Variants in KYNU observed in about 807,000 individuals in gnomAD.
The protein encoded by KYNU is L-kynurenine hydrolase.
Under a neutral mutation model 59.2 loss-of-function variants are expected in KYNU, and 54 were observed. That is an observed-to-expected ratio of 0.91 (90% CI 0.73 to 1.14). The LOEUF (loss-of-function observed/expected upper bound fraction) is 1.14. KYNU is among the 50% of genes most tolerant of loss of function. The pLI is 0.00. For missense variants in KYNU, 567 were observed against 554.4 expected (o/e 1.02, Z -0.23); for synonymous variants, 177 against 192.0 (o/e 0.92, Z 0.65).
At chr2:142,970,736 T>G (rs1340585651) in intron 8 of KYNU, among the ~76,000 whole-genome samples, 1 of 152,214 alleles carries the variant, frequency 6.6e-6, no homozygotes, top group African/African-American at 2.4e-5. Flanking sequence ...CCTTTACTGA[T>G]TGTGGAATAG....
intron 12 of KYNU, among the ~76,000 whole-genome samples, chr2:143,036,678 T>G (rs913639451): frequency 5.9e-5 from 9 of 152,234 alleles, no homozygotes; most frequent in Admixed American, 5.2e-4. Flanking sequence ...GAAGTTACTA[T>G]TTATTCCTAA....
intron 4 of KYNU, among the ~76,000 whole-genome samples, chr2:142,934,423 G>A (rs1683320371): frequency 6.6e-6 from 1 of 152,104 alleles, no homozygotes; most frequent in Non-Finnish European, 1.5e-5. Flanking sequence ...TGGGTACTAT[G>A]GGGAACATGG....
chr2:142,881,211 A>G (rs547008891), intron 1 of KYNU: 2 of 152,390 alleles, frequency 1.3e-5, no homozygotes, highest in South Asian at 4.1e-4. Flanking sequence ...ACTTATGGTC[A>G]GATATTGAAA....
At chr2:143,035,879 C>G (rs1180230041) in intron 12 of KYNU, among the ~76,000 whole-genome samples, 1 of 152,076 alleles carries the variant, frequency 6.6e-6, no homozygotes, top group Non-Finnish European at 1.5e-5. Context: ...CTCAGTTGAT[C>G]TTCCCACCTC....
intron 8 of KYNU, 127 bp from the exon 9 acceptor site, chr2:142,984,957 C>G (rs1282462494): frequency 2.8e-6 from 2 of 708,944 alleles, no homozygotes; most frequent in East Asian, 5.5e-5. Flanking sequence ...CTTTGTGAAC[C>G]ATTGCATCAA....
intron 10 of KYNU, 114 bp from the exon 11 acceptor site, chr2:143,029,513 G>C (rs1573914331): frequency 1.4e-6 from 1 of 718,736 alleles, no homozygotes; most frequent in East Asian, 2.7e-5. Flanking sequence ...TTGAACCCAA[G>C]AGGCAGAGGT....
At chr2:142,881,673 C>G (rs557468712) in intron 1 of KYNU, among the ~76,000 whole-genome samples, 3 of 152,174 alleles carry the variant, frequency 2.0e-5, no homozygotes, top group African/African-American at 7.2e-5. Context: ...CTAAGTTATA[C>G]ACTCAAATAT....
intron 8 of KYNU, among the ~76,000 whole-genome samples, chr2:142,970,223 A>AT (rs1684678129): frequency 6.6e-6 from 1 of 152,190 alleles, no homozygotes; most frequent in Admixed American, 6.5e-5. Context: ...TGAAGAGAAA[A>AT]TATTTTCGCA....
At chr2:142,920,153 T>C (rs1462088047) in intron 3 of KYNU, among the ~76,000 whole-genome samples, 2 of 152,204 alleles carry the variant, frequency 1.3e-5, no homozygotes, top group African/African-American at 4.8e-5. Flanking sequence ...TTAATTTTAG[T>C]GATTAAGAAC....
chr2:143,055,186 C>G lies in KYNU; in HGVS notation c.*13014C>G, dbSNP rs1304506243. On this transcript the variant is annotated 3_prime_UTR_variant, in exon 14 of 14. Transcript: ENST00000264170. Reference sequence around the variant, plus strand: ...AAACATAGTGACTGAAAATAACCCACATTTATTATCTTACAGTTCCATAGG... The same window carrying G: ...AAACATAGTGACTGAAAATAACCCAGATTTATTATCTTACAGTTCCATAGG... The G allele has an allele frequency of 6.6e-6, 1 of 152,182 alleles. No individual in the cohort carries two copies. 9.4% of individuals were successfully genotyped at this position (152,182 alleles called of 1,614,324 possible). A position where few individuals can be genotyped will look rare whatever the true frequency, so the allele number is the denominator to read the frequency against.
rs1687215552 is a variant in KYNU, at chr2:143,048,977, A to G, written c.*6805A>G. The G allele has an allele frequency of 6.6e-6, 1 of 152,168 alleles. No individual in the cohort carries two copies. The highest frequency in any genetic ancestry group is 2.4e-5 in the African/African-American group (1 of 41,450). The allele number at this position is 152,168 out of a possible 1,614,324, so 9.4% of individuals were successfully genotyped here. A position where few individuals can be genotyped will look rare whatever the true frequency, so the allele number is the denominator to read the frequency against. On this transcript the variant is annotated 3_prime_UTR_variant, in exon 14 of 14. Coordinates refer to ENST00000264170, the MANE Select transcript of KYNU (RefSeq NM_003937.3). Reference sequence around the variant, plus strand: ...TCCGCATTTTTATTATGATGTGTCTAGGCAGTTATTATTGTGTTTATTCTA... The same window carrying G: ...TCCGCATTTTTATTATGATGTGTCTGGGCAGTTATTATTGTGTTTATTCTA...
chr2:142,914,167 C>A (rs974366979), intron 2 of KYNU, among the ~76,000 whole-genome samples: 1 of 152,188 alleles, frequency 6.6e-6, no homozygotes, highest in African/African-American at 2.4e-5. Flanking sequence ...TTCTCCCATG[C>A]CCAGGATTGC....
At chr2:142,933,692 G>C (rs564034746) in intron 4 of KYNU, among the ~76,000 whole-genome samples, 34 of 152,250 alleles carry the variant, frequency 2.2e-4, no homozygotes, top group African/African-American at 8.2e-4. Flanking sequence ...GATAGTGTGG[G>C]TGTTGCAGTG....
In KYNU at chr2:143,045,088, G is replaced by T. The variant is rs560597879; in HGVS notation, c.*2916G>T. 4 of 152,162 alleles carry T rather than the reference G, an allele frequency of 2.6e-5. No individual in the cohort carries two copies. Among genetic ancestry groups the T allele is most frequent in the South Asian group, 4.2e-4 (2 of 4,806 alleles). The allele number at this position is 152,162 out of a possible 1,614,324, so 9.4% of individuals were successfully genotyped here. A position where few individuals can be genotyped will look rare whatever the true frequency, so the allele number is the denominator to read the frequency against. On this transcript the variant is annotated 3_prime_UTR_variant, in exon 14 of 14. Transcript: ENST00000264170. ...TTCCCAACACTATTTATTAAATAGG[G>T]AATCTTTTCCCCATTGCTTGTTTTT...
intron 10 of KYNU, among the ~76,000 whole-genome samples, chr2:143,000,849 TA>T (rs1442018971): frequency 6.6e-6 from 1 of 152,154 alleles, no homozygotes; most frequent in Non-Finnish European, 1.5e-5. Context: ...GACTTTGATT[TA>T]GGTGAGTATG....
intron 4 of KYNU, among the ~76,000 whole-genome samples, chr2:142,937,126 T>C (rs1683417504): frequency 6.6e-6 from 1 of 151,948 alleles, no homozygotes; most frequent in Admixed American, 6.6e-5. Context: ...TCTTCAGGAG[T>C]ATGTGTCTTC....
chr2:143,048,802 C>T lies in KYNU; in HGVS notation c.*6630C>T, dbSNP rs1173606923. 6.6e-6 allele frequency: 1 copy of T among 152,112 alleles called. No individual in the cohort carries two copies. Among genetic ancestry groups the T allele is most frequent in the East Asian group, 1.9e-4 (1 of 5,200 alleles). 9.4% of individuals were successfully genotyped at this position (152,112 alleles called of 1,614,324 possible). A position where few individuals can be genotyped will look rare whatever the true frequency, so the allele number is the denominator to read the frequency against. ...GCAAATCAGAACCACAATGAGATGCCATCTCATGCCAGTCAGAATGGCAAT... is the reference window on the plus strand; with the variant it reads ...GCAAATCAGAACCACAATGAGATGCTATCTCATGCCAGTCAGAATGGCAAT... On this transcript the variant is annotated 3_prime_UTR_variant, in exon 14 of 14. Transcript: ENST00000264170.
At chr2:142,970,865 T>C (rs1443048782) in intron 8 of KYNU, among the ~76,000 whole-genome samples, 3 of 152,228 alleles carry the variant, frequency 2.0e-5, no homozygotes, top group African/African-American at 7.2e-5. Context: ...ATATATTCCC[T>C]GTCTCAATGT....
intron 10 of KYNU, among the ~76,000 whole-genome samples, chr2:142,986,410 G>T (rs1189031071): frequency 6.6e-6 from 1 of 151,802 alleles, no homozygotes; most frequent in Non-Finnish European, 1.5e-5. Flanking sequence ...CTTAAATGTG[G>T]CATGTTATTA....
Sources: allele counts gnomAD v4.1 joint callset (sites outside exome capture counted in the v4.1 genomes callset), GRCh38; gene constraint gnomAD v4.1.1; transcripts MANE v1.5; gene names NCBI Gene and HGNC (gene_info 2026-07-23, HGNC 2026-07-21).